LINGO2: variants seen among roughly 807,000 people sequenced by gnomAD.
LINGO2 encodes leucine-rich repeat and immunoglobulin-like domain-containing nogo receptor-interacting protein 2.
LINGO2 carries 14 observed loss-of-function variants against 30.6 expected under a neutral mutation model. The observed-to-expected ratio is 0.46, with a 90% CI of 0.30 to 0.72. The LOEUF (loss-of-function observed/expected upper bound fraction) is 0.72. Among genes scored for constraint, LINGO2 ranks in the 30% least tolerant of loss-of-function variants. The pLI is 0.07. For synonymous variants in LINGO2, 317 were observed against 288.5 expected (o/e 1.10, Z -1.00); for missense variants, 729 against 751.7 (o/e 0.97, Z 0.35).
the LINGO2 span, among the ~76,000 whole-genome samples, chr9:28,732,416 C>A: frequency 1.3e-5 from 2 of 150,806 alleles, no homozygotes; most frequent in Non-Finnish European, 3.0e-5. Flanking sequence ...AACTTAAAAC[C>A]ACACAAGTAA....
At chr9:28,801,139 T>C in the LINGO2 span, among the ~76,000 whole-genome samples, 2 of 152,086 alleles carry the variant, frequency 1.3e-5, no homozygotes, top group East Asian at 1.9e-4. Context: ...ATACAGTTAA[T>C]GACCATGCAA....
the LINGO2 span, among the ~76,000 whole-genome samples, chr9:29,085,087 C>T: frequency 0.2 from 29,925 of 151,458 alleles, 3,099 homozygotes; most frequent in African/African-American, 0.24. Context: ...TTTATTGTAA[C>T]AACATTTCAT....
At chr9:29,075,650 A>G in the LINGO2 span, among the ~76,000 whole-genome samples, 1 of 152,186 alleles carries the variant, frequency 6.6e-6, no homozygotes, top group South Asian at 2.1e-4. Context: ...GAATTCGCAT[A>G]AGGGTAAATT....
chr9:29,074,329 T>C, the LINGO2 span, among the ~76,000 whole-genome samples: 4 of 152,148 alleles, frequency 2.6e-5, no homozygotes, highest in African/African-American at 7.2e-5. Context: ...GAAGCCAATA[T>C]TTAAAATACA....
intron 2 of LINGO2, among the ~76,000 whole-genome samples, chr9:28,456,917 T>C (rs1564210675): frequency 6.6e-6 from 1 of 152,210 alleles, no homozygotes. Flanking sequence ...TATTTGGCTA[T>C]TTTTACTTAC....
At chr9:29,020,787 ATGGTATACAAGACAGCCAG>A in the LINGO2 span, among the ~76,000 whole-genome samples, 3 of 152,280 alleles carry the variant, frequency 2.0e-5, no homozygotes, top group Admixed American at 6.5e-5. Flanking sequence ...GATGATGACA[ATGGTATACAAGACAGCCAG>A]TGAGCAGTGA....
the LINGO2 span, among the ~76,000 whole-genome samples, chr9:28,734,782 C>G: frequency 6.6e-6 from 1 of 152,108 alleles, no homozygotes; most frequent in Admixed American, 6.5e-5. Context: ...TCCCTCTGTC[C>G]TTTTCCCAGT....
At chr9:28,647,621 G>T (rs1230259665) in intron 1 of LINGO2, among the ~76,000 whole-genome samples, 1 of 151,968 alleles carries the variant, frequency 6.6e-6, no homozygotes, top group African/African-American at 2.4e-5. Context: ...GCATTATAAA[G>T]AAAATTACAC....
At chr9:28,683,431 C>A in the LINGO2 span, among the ~76,000 whole-genome samples, 3 of 152,184 alleles carry the variant, frequency 2.0e-5, no homozygotes, top group African/African-American at 4.8e-5. Flanking sequence ...GTATTTTTCA[C>A]AATTTGGCAC....
intron 1 of LINGO2, among the ~76,000 whole-genome samples, chr9:28,641,060 G>A (rs1229486894): frequency 6.6e-6 from 1 of 152,032 alleles, no homozygotes; most frequent in East Asian, 1.9e-4. Context: ...TTGAGACGGA[G>A]TCTCACTCTG....
chr9:29,154,044 T>A, the LINGO2 span, among the ~76,000 whole-genome samples: 1 of 152,192 alleles, frequency 6.6e-6, no homozygotes, highest in Admixed American at 6.5e-5. Flanking sequence ...GTCACTCTGA[T>A]TTGAATTAAG....
intron 1 of LINGO2, among the ~76,000 whole-genome samples, chr9:28,522,646 T>C (rs1439039438): frequency 1.3e-5 from 2 of 152,160 alleles, no homozygotes; most frequent in Non-Finnish European, 1.5e-5. Context: ...AAAATCACAA[T>C]TGAAATATAT....
At chr9:28,481,120 G>A (rs1169838879) in intron 1 of LINGO2, among the ~76,000 whole-genome samples, 1 of 152,106 alleles carries the variant, frequency 6.6e-6, no homozygotes, top group Admixed American at 6.6e-5. Flanking sequence ...CAAAGCCTGG[G>A]CTCAAAGTCT....
At chr9:29,093,749 G>A in the LINGO2 span, among the ~76,000 whole-genome samples, 3 of 136,884 alleles carry the variant, frequency 2.2e-5, 1 homozygote, top group Non-Finnish European at 4.8e-5. Flanking sequence ...TCTTTAGGTA[G>A]AATAAAGGTC....
At chr9:28,497,942 G>A (rs1188753573) in intron 1 of LINGO2, among the ~76,000 whole-genome samples, 1 of 152,192 alleles carries the variant, frequency 6.6e-6, no homozygotes, top group Admixed American at 6.6e-5. Flanking sequence ...CTGTTTGCCT[G>A]GGTATCAGCA....
the LINGO2 span, among the ~76,000 whole-genome samples, chr9:28,771,604 A>T: frequency 2.6e-5 from 4 of 152,110 alleles, no homozygotes; most frequent in East Asian, 7.7e-4. Flanking sequence ...TTTTGTGAAC[A>T]AGAGAATTTA....
At chr9:28,066,801 T>C (rs1408274734) in intron 4 of LINGO2, among the ~76,000 whole-genome samples, 1 of 152,100 alleles carries the variant, frequency 6.6e-6, no homozygotes, top group African/African-American at 2.4e-5. Context: ...AGGCTGTCAA[T>C]ATAATCTAAG....
chr9:28,648,711 A>G (rs2135962220), intron 1 of LINGO2, among the ~76,000 whole-genome samples: 1 of 152,272 alleles, frequency 6.6e-6, no homozygotes, highest in Non-Finnish European at 1.5e-5. Context: ...TAGTACTCTT[A>G]GTCTAATGCT....
At chr9:28,522,976 A>G (rs1004425695) in intron 1 of LINGO2, among the ~76,000 whole-genome samples, 1 of 152,098 alleles carries the variant, frequency 6.6e-6, no homozygotes, top group African/African-American at 2.4e-5. Flanking sequence ...ATATAAATAC[A>G]TAAACAAAAC....
Sources: allele counts gnomAD v4.1 joint callset (sites outside exome capture counted in the v4.1 genomes callset), GRCh38; gene constraint gnomAD v4.1.1; transcripts MANE v1.5; gene names NCBI Gene and HGNC (gene_info 2026-07-23, HGNC 2026-07-21).